The following WDR53 variants were observed in gnomAD, a reference collection of about 807,000 sequenced individuals.
The protein encoded by WDR53 is WD repeat domain 53, also known as WD repeat-containing protein 53.
In WDR53, 19 loss-of-function variants were observed where a neutral mutation model predicts 21.3. The ratio of observed to expected loss-of-function variants is 0.89; its 90% CI spans 0.62 to 1.31. The LOEUF is 1.31. WDR53 is among the 50% of genes most tolerant of loss of function. The pLI is 0.00. For synonymous variants in WDR53, 157 were observed against 163.4 expected (o/e 0.96, Z 0.30); for missense variants, 374 against 423.2 (o/e 0.88, Z 1.02).
intron 2 of WDR53, among the ~76,000 whole-genome samples, chr3:196,563,714 GACGCCTGCCACC>G (rs1735099388): frequency 6.6e-6 from 1 of 152,040 alleles, no homozygotes; most frequent in African/African-American, 2.4e-5. Context: ...TGAGATTATA[GACGCCTGCCACC>G]ACGCCAGGCT....
rs563958818 is a variant in WDR53 at position 196,564,504 on chromosome 3, C to T, written c.-17+2373G>A. On this transcript the variant is annotated intron_variant, in intron 2 of 3. Coordinates refer to ENST00000332629, the MANE Select transcript of WDR53 (RefSeq NM_182627.3). The stretch of plus-strand genomic sequence containing the variant: ...CCTCCTGAGTAGCTGGAACTACAGG[C>T]TCTCACCACCAAACCCACCTAATTT... 8.3e-4 allele frequency among the ~76,000 whole-genome samples: 125 copies of T among 150,654 alleles called. 1 individual carries two copies. Among genetic ancestry groups the T allele is most frequent in the African/African-American group, 3.0e-3 (123 of 41,006 alleles).
intron 1 of WDR53, among the ~76,000 whole-genome samples, chr3:196,568,231 C>T (rs566185781): frequency 2.6e-5 from 4 of 152,212 alleles, no homozygotes; most frequent in African/African-American, 9.6e-5. Flanking sequence ...TCGCTAAGTG[C>T]CGATACTTAG....
intron 3 of WDR53, among the ~76,000 whole-genome samples, chr3:196,559,092 T>C (rs748769563): frequency 7.9e-5 from 12 of 152,226 alleles, no homozygotes; most frequent in Non-Finnish European, 1.3e-4. Flanking sequence ...CCCAATTGTC[T>C]ATTGCCATGC....
At position 196,568,516 on chromosome 3, in the gene WDR53, T is replaced by C. The variant is rs976689901; in HGVS notation, c.-448+3A>G. The C allele has an allele frequency of 6.6e-6, 1 of 152,446 alleles. No individual in the cohort carries two copies. Among genetic ancestry groups the C allele is most frequent in the Admixed American group, 6.5e-5 (1 of 15,282 alleles). The allele number at this position is 152,446 out of a possible 1,614,324, so 9.4% of individuals were successfully genotyped here. ...ATCGAAGCCACCGGCGCCAGCCTCATACCTGCGCTTCCCGCTCCCCTCCTC... is the reference window on the plus strand; with the variant it reads ...ATCGAAGCCACCGGCGCCAGCCTCACACCTGCGCTTCCCGCTCCCCTCCTC... On this transcript the variant is annotated splice_donor_region_variant and intron_variant, in intron 1 of 3. Coordinates refer to ENST00000332629, the MANE Select transcript of WDR53 (RefSeq NM_182627.3).
At position 196,554,378 on chromosome 3, in the gene WDR53, C is replaced by T. The variant is rs1222867645; in HGVS notation, c.910G>A (p.Ala304Thr). The change falls in exon 4 of 4, where the codon GCT (alanine) becomes ACT (threonine). Residue 304 changes from alanine to threonine, a missense_variant. By Grantham distance (58) the Ala-to-Thr change is moderately conservative (BLOSUM62 0). Transcript: ENST00000332629. The part of the protein sequence containing the change: ...TCTKQGGNTN[A>T]SVTDEEEHGN... ...TGTTCTTCCTCATCTGTTACTGAAGCGTTAGTATTTCCACCCTGCTTGGTG... is the reference window on the plus strand; with the variant it reads ...TGTTCTTCCTCATCTGTTACTGAAGTGTTAGTATTTCCACCCTGCTTGGTG... 35 of 1,614,004 alleles carry T rather than the reference C, an allele frequency of 2.2e-5. No individual in the cohort carries two copies. The highest frequency in any genetic ancestry group is 1.6e-4 in the East Asian group (7 of 44,892).
intron 2 of WDR53, 106 bp from the exon 3 acceptor site, chr3:196,561,597 T>A: frequency 3.4e-6 from 4 of 1,183,866 alleles, no homozygotes; most frequent in Non-Finnish European, 3.3e-6. Flanking sequence ...GTTTTAAAAA[T>A]ACATCTTAAA....
Position 196,554,477 on chromosome 3 carries a change from T to C in WDR53, c.811A>G (p.Asn271Asp), listed in dbSNP as rs887067803. The C allele has an allele frequency of 1.2e-6, 2 of 1,614,178 alleles. No homozygotes were observed. The highest frequency in any genetic ancestry group is 1.1e-5 in the South Asian group (1 of 91,082). Residue 271 changes from asparagine to aspartate, a missense_variant, in exon 4 of 4, where the codon AAC becomes GAC. Asn to Asp is a conservative substitution (Grantham distance 23, BLOSUM62 1). Transcript: ENST00000332629. Reference protein sequence around the residue: ...NDGKITLWDANSEVEKKQKSP... With the variant: ...NDGKITLWDADSEVEKKQKSP... ...TTCTGTTTTTTCTCAACTTCACTGTTTGCATCCCACAACGTGATCTTCCCA... is the reference window on the plus strand; with the variant it reads ...TTCTGTTTTTTCTCAACTTCACTGTCTGCATCCCACAACGTGATCTTCCCA...
At chr3:196,562,690 A>C (rs1734998682) in intron 2 of WDR53, among the ~76,000 whole-genome samples, 1 of 152,198 alleles carries the variant, frequency 6.6e-6, no homozygotes, top group African/African-American at 2.4e-5. Context: ...CCAGACACTT[A>C]TTCAGTAGGT....
At chr3:196,555,860 T>C (rs1170266373) in intron 3 of WDR53, among the ~76,000 whole-genome samples, 1 of 152,192 alleles carries the variant, frequency 6.6e-6, no homozygotes, top group Non-Finnish European at 1.5e-5. Context: ...AGCAGTGACA[T>C]CTAGTAACAC....
intron 3 of WDR53, among the ~76,000 whole-genome samples, chr3:196,556,108 T>G (rs570260094): frequency 6.6e-6 from 1 of 152,232 alleles, no homozygotes; most frequent in South Asian, 2.1e-4. Context: ...TGCAGTGGCA[T>G]GACCATGGCT....
intron 3 of WDR53, among the ~76,000 whole-genome samples, chr3:196,555,031 C>T (rs1734209299): frequency 2.9e-5 from 2 of 68,820 alleles, no homozygotes; most frequent in African/African-American, 1.2e-4. Context: ...AAACAAGATC[C>T]TGAATAATTT....
chr3:196,555,199 T>C (rs1734221091), intron 3 of WDR53, among the ~76,000 whole-genome samples: 1 of 152,236 alleles, frequency 6.6e-6, no homozygotes, highest in South Asian at 2.1e-4. Flanking sequence ...CTAAATAAAC[T>C]CGATCTGGAC....
chr3:196,554,912 G>T, intron 3 of WDR53, 105 bp from the exon 4 acceptor site: 1 of 883,786 alleles, frequency 1.1e-6, no homozygotes, highest in South Asian at 1.6e-5. Flanking sequence ...GTCTGAGAAT[G>T]AGCAGTAGTG....
chr3:196,563,782 G>C (rs1466000770), intron 2 of WDR53, among the ~76,000 whole-genome samples: 1 of 152,110 alleles, frequency 6.6e-6, no homozygotes, highest in African/African-American at 2.4e-5. Context: ...ATGTTGGCCA[G>C]GCTGGTCTTG....
rs995986800 is a variant in WDR53 at position 196,567,079 on chromosome 3, A to C, written c.-219T>G. On this transcript the variant is annotated 5_prime_UTR_variant, in exon 2 of 4. Coordinates refer to ENST00000332629, the MANE Select transcript of WDR53 (RefSeq NM_182627.3). ...AGTCATACCACCACCGTCCCGTTCA[A>C]GAGTCTGTGCCTCTAAGGCTGTTCA... 2.2e-6 allele frequency: 1 copy of C among 451,122 alleles called. No homozygotes were observed. The highest frequency in any genetic ancestry group is 2.0e-5 in the African/African-American group (1 of 49,946). The allele number at this position is 451,122 out of a possible 1,614,324, so 27.9% of individuals were successfully genotyped here. A position where few individuals can be genotyped will look rare whatever the true frequency, so the allele number is the denominator to read the frequency against.
intron 3 of WDR53, among the ~76,000 whole-genome samples, chr3:196,556,810 T>C (rs1412031425): frequency 6.6e-6 from 1 of 152,120 alleles, no homozygotes; most frequent in African/African-American, 2.4e-5. Flanking sequence ...CATTCAAACA[T>C]GCACTGCACC....
In WDR53 at chr3:196,561,063, A is replaced by G. The variant is rs1232727933; in HGVS notation, c.413T>C (p.Ile138Thr). Residue 138 changes from isoleucine (I) to threonine (T), a missense_variant, in exon 3 of 4, where the codon ATC (isoleucine) becomes ACC (threonine). Coordinates refer to ENST00000332629, the MANE Select transcript of WDR53 (RefSeq NM_182627.3). ...VIRSLKRHSN[I>T]CSSVAFRPQR... ...AGGCCGAAAAGCCACTGAGGAGCAG[A>G]TATTGGAATGTCTCTTCAAGGATCT... 8 of 1,614,224 alleles carry G rather than the reference A, an allele frequency of 5.0e-6. No individual in the cohort carries two copies. Among genetic ancestry groups the G allele is most frequent in the Non-Finnish European group, 6.8e-6 (8 of 1,180,044 alleles).
chr3:196,563,487 G>A (rs1340827389), intron 2 of WDR53, among the ~76,000 whole-genome samples: 1 of 152,074 alleles, frequency 6.6e-6, no homozygotes, highest in East Asian at 1.9e-4. Context: ...TTTCAGATAA[G>A]ATACTTGAAT....
At chr3:196,556,360 A>T (rs1228629067) in intron 3 of WDR53, among the ~76,000 whole-genome samples, 1 of 152,090 alleles carries the variant, frequency 6.6e-6, no homozygotes, top group African/African-American at 2.4e-5. Flanking sequence ...AGTTTCTATT[A>T]AAAAATCTGA....
Sources: gnomAD v4.1 joint callset for allele counts (sites outside exome capture counted in the v4.1 genomes callset) on GRCh38, gnomAD v4.1.1 for gene constraint, MANE v1.5 for transcripts, NCBI Gene and HGNC (gene_info 2026-07-23, HGNC 2026-07-21) for gene names.